Variants in LMX1A observed in about 807,000 individuals in gnomAD.
LMX1A encodes the protein LIM homeobox transcription factor 1-alpha.
In LMX1A, 15 loss-of-function variants were observed where a neutral mutation model predicts 49.1. That is an observed-to-expected ratio of 0.31 (90% CI 0.20 to 0.47). LMX1A has a LOEUF of 0.47. LMX1A is among the 20% of genes least tolerant of loss of function. LMX1A has a pLI of 1.00. For synonymous variants in LMX1A, 167 were observed against 185.7 expected, an observed-to-expected ratio of 0.90 and a Z score of 0.82; for missense variants, 372 against 475.8, an observed-to-expected ratio of 0.78 and a Z score of 2.03.
chr1:165,353,245 T>G lies in LMX1A; in HGVS notation c.94A>C (p.Lys32Gln). 1 of 1,612,310 alleles carries G rather than the reference T, an allele frequency of 6.2e-7. No individual in the cohort carries two copies. Among genetic ancestry groups the G allele is most frequent in the South Asian group, 1.1e-5 (1 of 91,056 alleles). ...SSLLGRAVSPKSVCEGCQRVI... is the reference protein window; with the variant it reads ...SSLLGRAVSPQSVCEGCQRVI... ...CGCTGACAGCCCTCGCAGACAGACT[T>G]GGGGCTCACCGCTCTGCCTGTAGCC... is the stretch of plus-strand genomic sequence containing the variant. The change falls in exon 3 of 9, where the codon AAG (lysine) becomes CAG (glutamine). Residue 32 changes from lysine (K) to glutamine (Q), a missense_variant. Physicochemically the swap from Lys to Gln is moderately conservative, Grantham distance 53 (BLOSUM62 1). Around this residue, in one of 3 missense-constraint regions of LMX1A, gnomAD observed 199 missense variants for 244.0 expected, o/e 0.82. Transcript: ENST00000342310.
intron 4 of LMX1A, among the ~76,000 whole-genome samples, chr1:165,218,023 T>C (rs1651704167): frequency 6.6e-6 from 1 of 152,238 alleles, no homozygotes; most frequent in African/African-American, 2.4e-5. Flanking sequence ...TACTCAACTC[T>C]GCAATTGTAG....
At position 165,203,616 on chromosome 1, in the gene LMX1A, T is replaced by C. The variant is rs1197883473; in HGVS notation, c.*264A>G. Reference sequence around the variant, plus strand: ...TATCTAGTTTGCATGAGAATGTCTATATTAAAAGTCTCTGTCCTTAATGAT... The same window carrying C: ...TATCTAGTTTGCATGAGAATGTCTACATTAAAAGTCTCTGTCCTTAATGAT... On this transcript the variant is annotated 3_prime_UTR_variant, in exon 9 of 9. Transcript: ENST00000342310. 6.7e-6 allele frequency: 2 copies of C among 299,222 alleles called. No individual in the cohort carries two copies. Among genetic ancestry groups the C allele is most frequent in the East Asian group, 5.6e-5 (1 of 18,018 alleles). 18.5% of individuals were successfully genotyped at this position (299,222 alleles called of 1,614,324 possible).
chr1:165,344,938 G>C (rs73019168), intron 3 of LMX1A, among the ~76,000 whole-genome samples: 6,578 of 152,280 alleles, frequency 0.043, 485 homozygotes, highest in African/African-American at 0.15. Flanking sequence ...CATCAGCTCC[G>C]ACTCAGGCTC....
Position 165,310,607 on chromosome 1 carries a change from A to G in LMX1A, c.263+42469T>C, listed in dbSNP as rs546014443. On this transcript the variant is annotated intron_variant, in intron 3 of 8. Transcript: ENST00000342310. ...AACCAACAGAAGGCTCATGCATCCA[A>G]TGGGGTGGAGATGCAGATGTTGCCT... Among the ~76,000 whole-genome samples the G allele has an allele frequency of 5.3e-5, 8 of 152,324 alleles. No homozygotes were observed. The South Asian group carries it at 1.7e-3, about 32-fold the overall frequency.
rs1232677062 is a variant in LMX1A at position 165,349,952 on chromosome 1, T to C, written c.263+3124A>G. On this transcript the variant is annotated intron_variant, in intron 3 of 8. Coordinates refer to ENST00000342310, the MANE Select transcript of LMX1A (RefSeq NM_177398.4). Reference sequence around the variant, plus strand: ...ACTTGCTTTGTTAATATTATGCCTATGATTGACACTGAAAACTGTGCATTC... The same window carrying C: ...ACTTGCTTTGTTAATATTATGCCTACGATTGACACTGAAAACTGTGCATTC... Among the ~76,000 whole-genome samples the C allele has an allele frequency of 2.0e-5, 3 of 152,232 alleles. No individual in the cohort carries two copies. In the East Asian group the frequency reaches 5.8e-4, roughly 29 times the overall value.
intron 4 of LMX1A, among the ~76,000 whole-genome samples, chr1:165,238,044 T>A (rs936430634): frequency 2.6e-5 from 4 of 152,166 alleles, no homozygotes; most frequent in Non-Finnish European, 5.9e-5. Context: ...ATCCTAAAAT[T>A]TACTAGTCAT....
chr1:165,321,186 A>G (rs1655375743), intron 3 of LMX1A, among the ~76,000 whole-genome samples: 1 of 152,188 alleles, frequency 6.6e-6, no homozygotes, highest in Admixed American at 6.5e-5. Context: ...AATGTCCACA[A>G]TAGGCAAATC....
At chr1:165,276,365 C>A (rs1181431597) in intron 3 of LMX1A, among the ~76,000 whole-genome samples, 1 of 152,172 alleles carries the variant, frequency 6.6e-6, no homozygotes, top group Non-Finnish European at 1.5e-5. Context: ...TAAAATGATT[C>A]CAGCTGAGGC....
At chr1:165,329,611 A>AC (rs968479606) in intron 3 of LMX1A, among the ~76,000 whole-genome samples, 2 of 148,422 alleles carry the variant, frequency 1.3e-5, no homozygotes, top group Admixed American at 6.8e-5. Context: ...CCCACATGCA[A>AC]CCCCCCCACC....
At chr1:165,207,796 G>A (rs4657412) in intron 7 of LMX1A, among the ~76,000 whole-genome samples, 119,001 of 152,142 alleles carry the variant, frequency 0.78, 47,781 homozygotes, top group African/African-American at 0.93. Flanking sequence ...AGTCCCTGAC[G>A]CTGTGGTGGG....
At chr1:165,281,739 T>TGC (rs1654156522) in intron 3 of LMX1A, among the ~76,000 whole-genome samples, 1 of 144,630 alleles carries the variant, frequency 6.9e-6, no homozygotes, top group Non-Finnish European at 1.5e-5. Context: ...TTTGTGTGTG[T>TGC]GTGTGTATGT....
At chr1:165,290,865 G>A (rs2101714929) in intron 3 of LMX1A, among the ~76,000 whole-genome samples, 1 of 152,312 alleles carries the variant, frequency 6.6e-6, no homozygotes, top group Non-Finnish European at 1.5e-5. Context: ...GTGGAACCCA[G>A]CAGTCTGTGT....
intron 4 of LMX1A, among the ~76,000 whole-genome samples, chr1:165,229,599 T>C (rs1456025090): frequency 2.6e-5 from 4 of 152,264 alleles, no homozygotes; most frequent in Non-Finnish European, 4.4e-5. Flanking sequence ...TGATAAATGA[T>C]GTCTTAGATT....
intron 3 of LMX1A, among the ~76,000 whole-genome samples, chr1:165,299,871 T>C (rs2101723507): frequency 6.6e-6 from 1 of 152,132 alleles, no homozygotes; most frequent in East Asian, 1.9e-4. Flanking sequence ...CCCCTTACTT[T>C]ATCTCCCAAA....
chr1:165,255,800 C>A (rs946181000), intron 3 of LMX1A, among the ~76,000 whole-genome samples: 1 of 151,990 alleles, frequency 6.6e-6, no homozygotes, highest in African/African-American at 2.4e-5. Context: ...ATGGTGAAAC[C>A]CTGTCTCTAC....
At chr1:165,348,209 T>A (rs1035252405) in intron 3 of LMX1A, among the ~76,000 whole-genome samples, 2 of 152,138 alleles carry the variant, frequency 1.3e-5, no homozygotes, top group African/African-American at 4.8e-5. Flanking sequence ...TATGTAAGGA[T>A]CAAAAGAATC....
intron 4 of LMX1A, among the ~76,000 whole-genome samples, chr1:165,230,719 G>A (rs932848251): frequency 6.6e-6 from 1 of 152,166 alleles, no homozygotes; most frequent in Non-Finnish European, 1.5e-5. Flanking sequence ...ACATTTCCTC[G>A]GATAGGAAAC....
chr1:165,334,875 T>C (rs1655854990), intron 3 of LMX1A, among the ~76,000 whole-genome samples: 1 of 152,178 alleles, frequency 6.6e-6, no homozygotes, highest in South Asian at 2.1e-4. Flanking sequence ...CTGGGAGCTA[T>C]AGCCCAACGC....
At chr1:165,242,252 T>C (rs1652681348) in intron 4 of LMX1A, among the ~76,000 whole-genome samples, 1 of 152,148 alleles carries the variant, frequency 6.6e-6, no homozygotes, top group African/African-American at 2.4e-5. Context: ...ACGGAGGCTA[T>C]GGAACTGCTG....
Sources: gnomAD v4.1 joint callset for allele counts (sites outside exome capture counted in the v4.1 genomes callset) on GRCh38, gnomAD v4.1.1 for gene constraint, gnomAD v4.1.1 regional missense constraint, MANE v1.5 for transcripts, NCBI Gene and HGNC (gene_info 2026-07-23, HGNC 2026-07-21) for gene names.